The following SAMD12 variants were observed in gnomAD, a reference collection of about 807,000 sequenced individuals.
SAMD12 encodes the protein sterile alpha motif domain containing 12.
In SAMD12, 9 loss-of-function variants were observed where a neutral mutation model predicts 15.0. The ratio of observed to expected loss-of-function variants is 0.60; its 90% CI spans 0.36 to 1.05. SAMD12 has a LOEUF of 1.05. Among genes scored for constraint, SAMD12 ranks in the 50% least tolerant of loss-of-function variants. The probability of loss-of-function intolerance (pLI) is 0.01; values close to 1 mark genes in which losing one functional copy is unlikely to be tolerated. For missense variants in SAMD12, 230 were observed against 234.2 expected, an observed-to-expected ratio of 0.98 and a Z score of 0.12; for synonymous variants, 86 against 90.1, an observed-to-expected ratio of 0.96 and a Z score of 0.25.
At chr8:118,240,762 T>C (rs1812544667) in intron 4 of SAMD12, among the ~76,000 whole-genome samples, 1 of 151,924 alleles carries the variant, frequency 6.6e-6, no homozygotes, top group Non-Finnish European at 1.5e-5. Flanking sequence ...AAAAGGAATT[T>C]TTTTACGAGG....
At chr8:118,217,674 AG>A (rs17485057) in intron 4 of SAMD12, among the ~76,000 whole-genome samples, 75,886 of 151,914 alleles carry the variant, frequency 0.5, 20,768 homozygotes, top group Non-Finnish European at 0.62. Flanking sequence ...AAAAGGAGAA[AG>A]GGTATTTTAG....
intron 2 of SAMD12, among the ~76,000 whole-genome samples, chr8:118,512,472 A>T (rs376159497): frequency 6.6e-6 from 1 of 152,228 alleles, no homozygotes; most frequent in African/African-American, 2.4e-5. Flanking sequence ...TAATTTGAAC[A>T]TATATCAGCT....
At chr8:118,320,231 T>G (rs1816160416) in intron 4 of SAMD12, among the ~76,000 whole-genome samples, 1 of 152,036 alleles carries the variant, frequency 6.6e-6, no homozygotes, top group African/African-American at 2.4e-5. Context: ...TGAAAAAAAG[T>G]TGAGAGTGAA....
chr8:118,578,671 A>G (rs1415890743), intron 2 of SAMD12, among the ~76,000 whole-genome samples: 2 of 152,198 alleles, frequency 1.3e-5, no homozygotes, highest in African/African-American at 4.8e-5. Flanking sequence ...CAAAAGCTTC[A>G]GGGTCAGTCA....
intron 3 of SAMD12, among the ~76,000 whole-genome samples, chr8:118,398,078 C>T (rs1015622897): frequency 5.3e-5 from 8 of 152,158 alleles, no homozygotes; most frequent in Non-Finnish European, 1.5e-5. Flanking sequence ...TGTGAGCCAC[C>T]ACGCCAAGCC....
At chr8:118,422,110 A>G (rs911800264) in intron 3 of SAMD12, among the ~76,000 whole-genome samples, 1 of 152,250 alleles carries the variant, frequency 6.6e-6, no homozygotes, top group African/African-American at 2.4e-5. Flanking sequence ...TCTTATCAAC[A>G]GAAATGAAGA....
chr8:118,509,808 T>A (rs991410421), intron 2 of SAMD12, among the ~76,000 whole-genome samples: 1 of 152,240 alleles, frequency 6.6e-6, no homozygotes, highest in Non-Finnish European at 1.5e-5. Flanking sequence ...CACTGACTAT[T>A]GTCTTAGATT....
At chr8:118,396,226 G>GTCAGTTTCCTCA (rs1554650096) in intron 3 of SAMD12, among the ~76,000 whole-genome samples, 2 of 152,112 alleles carry the variant, frequency 1.3e-5, no homozygotes, top group East Asian at 3.8e-4. Context: ...ATGCCACTGA[G>GTCAGTTTCCTCA]TCAGTTTCCT....
At position 118,515,643 on chromosome 8, in the gene SAMD12, G is replaced by C. The variant is rs919597683; in HGVS notation, c.192+65072C>G. On this transcript the variant is annotated intron_variant, in intron 2 of 3. Coordinates refer to ENST00000314727, the MANE Select transcript of SAMD12 (RefSeq NM_207506.3). Reference sequence around the variant, plus strand: ...TGGAGGGGTCTGTTGAGGGACCACAGTTTATCTTAGGCCACCCCTACCCCA... The same window carrying C: ...TGGAGGGGTCTGTTGAGGGACCACACTTTATCTTAGGCCACCCCTACCCCA... Among the ~76,000 whole-genome samples the C allele has an allele frequency of 3.3e-5, 5 of 152,278 alleles. No homozygotes were observed. In the South Asian group the frequency reaches 6.2e-4, roughly 19 times the overall value.
the SAMD12 span, among the ~76,000 whole-genome samples, chr8:118,178,701 G>A: frequency 6.6e-6 from 1 of 151,792 alleles, no homozygotes; most frequent in African/African-American, 2.4e-5. Flanking sequence ...CTTGACCTCA[G>A]GTGATCCACC....
intron 2 of SAMD12, among the ~76,000 whole-genome samples, chr8:118,455,245 A>C (rs1324033408): frequency 6.9e-6 from 1 of 144,476 alleles, no homozygotes; most frequent in Non-Finnish European, 1.5e-5. Flanking sequence ...TTCTTGAGAC[A>C]CTTTCTTCTC....
At chr8:118,535,602 C>T (rs1256646176) in intron 2 of SAMD12, among the ~76,000 whole-genome samples, 1 of 152,218 alleles carries the variant, frequency 6.6e-6, no homozygotes, top group Non-Finnish European at 1.5e-5. Context: ...CCACCCAGTT[C>T]CAGCTTCCCA....
chr8:118,317,134 G>A (rs570993229), intron 4 of SAMD12, among the ~76,000 whole-genome samples: 1 of 152,224 alleles, frequency 6.6e-6, no homozygotes, highest in Admixed American at 6.5e-5. Flanking sequence ...AGAGGCCTAA[G>A]GAGAGACCAC....
chr8:118,364,361 C>T (rs1401983106), intron 4 of SAMD12, among the ~76,000 whole-genome samples: 1 of 152,118 alleles, frequency 6.6e-6, no homozygotes, highest in South Asian at 2.1e-4. Context: ...GAAGACATAA[C>T]CTGCAAGTTT....
At chr8:118,553,669 A>C (rs911183197) in intron 2 of SAMD12, among the ~76,000 whole-genome samples, 3 of 151,346 alleles carry the variant, frequency 2.0e-5, no homozygotes, top group African/African-American at 7.3e-5. Context: ...AACAAAAGCC[A>C]AAATTGACAA....
At chr8:118,176,565 A>G in the SAMD12 span, among the ~76,000 whole-genome samples, 1 of 152,348 alleles carries the variant, frequency 6.6e-6, no homozygotes, top group African/African-American at 2.4e-5. Flanking sequence ...ATGCAAGAAC[A>G]CAAAACCAAA....
intron 1 of SAMD12, among the ~76,000 whole-genome samples, chr8:118,593,059 A>G (rs1441188156): frequency 6.6e-6 from 1 of 152,218 alleles, no homozygotes; most frequent in Non-Finnish European, 1.5e-5. Context: ...CATTCAGACT[A>G]AAGGAACATT....
chr8:118,587,487 A>G lies in SAMD12; in HGVS notation c.14-6594T>C, dbSNP rs370415165. ...CTACAACGCCAATAGCAAATTTCACAGCTTCCCTTGCAGCTACAAGTGAGG... is the reference window on the plus strand; with the variant it reads ...CTACAACGCCAATAGCAAATTTCACGGCTTCCCTTGCAGCTACAAGTGAGG... On this transcript the variant is annotated intron_variant, in intron 1 of 3. Coordinates refer to ENST00000314727, the MANE Select transcript of SAMD12 (RefSeq NM_207506.3). 1.8e-4 allele frequency among the ~76,000 whole-genome samples: 27 copies of G among 152,338 alleles called. No individual in the cohort carries two copies. In the East Asian group the frequency reaches 4.6e-3, roughly 26 times the overall value.
At chr8:118,381,769 A>T (rs1373584776) in intron 3 of SAMD12, among the ~76,000 whole-genome samples, 2 of 152,152 alleles carry the variant, frequency 1.3e-5, no homozygotes, top group Non-Finnish European at 2.9e-5. Flanking sequence ...TGGACTTCTG[A>T]CCCCGATAAG....
Sources: allele counts gnomAD v4.1 joint callset (sites outside exome capture counted in the v4.1 genomes callset), GRCh38; gene constraint gnomAD v4.1.1; transcripts MANE v1.5; gene names NCBI Gene and HGNC (gene_info 2026-07-23, HGNC 2026-07-21).